The following CNTNAP2 variants were observed in gnomAD, a reference collection of about 807,000 sequenced individuals.
CNTNAP2 encodes contactin associated protein 2, also known as contactin-associated protein-like 2.
Under a neutral mutation model 155.2 loss-of-function variants are expected in CNTNAP2, and 98 were observed. That is an observed-to-expected ratio of 0.63 (90% confidence interval 0.54 to 0.75). The LOEUF is 0.75. Ranked by LOEUF, CNTNAP2 falls within the 30% of genes least tolerant of loss-of-function variation. The pLI, the probability that CNTNAP2 is intolerant of heterozygous loss-of-function variation, is 0.00. For synonymous variants in CNTNAP2, 651 were observed against 631.2 expected, an observed-to-expected ratio of 1.03 and a Z score of -0.47; for missense variants, 1,727 against 1,688.1, an observed-to-expected ratio of 1.02 and a Z score of -0.40.
chr7:147,562,430 C>T (rs1800082103), intron 12 of CNTNAP2, among the ~76,000 whole-genome samples, 173 bp downstream of exon 12: 2 of 152,112 alleles, frequency 1.3e-5, no homozygotes, highest in Non-Finnish European at 2.9e-5. Context: ...AGCAATAAAA[C>T]ATTTTGACAC....
At chr7:146,533,683 C>G (rs997039881) in intron 1 of CNTNAP2, among the ~76,000 whole-genome samples, 17 of 152,050 alleles carry the variant, frequency 1.1e-4, no homozygotes, top group African/African-American at 3.9e-4. Flanking sequence ...TTTTCAGAGT[C>G]CTCTCAGTCC....
chr7:147,233,041 A>G (rs928613458), intron 8 of CNTNAP2, among the ~76,000 whole-genome samples: 1 of 152,218 alleles, frequency 6.6e-6, no homozygotes, highest in Admixed American at 6.5e-5. Flanking sequence ...TTTCAGATTG[A>G]TTCTACCTAA....
At chr7:147,054,857 T>A (rs903703892) in intron 4 of CNTNAP2, among the ~76,000 whole-genome samples, 2 of 152,200 alleles carry the variant, frequency 1.3e-5, no homozygotes, top group African/African-American at 4.8e-5. Flanking sequence ...ATAGTTAGAC[T>A]TGAAAAGAAG....
intron 13 of CNTNAP2, among the ~76,000 whole-genome samples, chr7:147,653,079 AC>A (rs1321229383): frequency 2.0e-5 from 3 of 152,222 alleles, no homozygotes; most frequent in African/African-American, 4.8e-5. Context: ...AACGAAAAAA[AC>A]ATGCCTCTCT....
intron 1 of CNTNAP2, among the ~76,000 whole-genome samples, chr7:146,506,931 T>A (rs1797393276): frequency 6.6e-6 from 1 of 152,160 alleles, no homozygotes; most frequent in Non-Finnish European, 1.5e-5. Flanking sequence ...GAAATGGTAA[T>A]GGCTCAGTGT....
intron 1 of CNTNAP2, among the ~76,000 whole-genome samples, chr7:146,411,931 G>A (rs1795872433): frequency 6.6e-6 from 1 of 151,778 alleles, no homozygotes; most frequent in African/African-American, 2.4e-5. Flanking sequence ...CCGCCTCCCT[G>A]GTTCAAGTGA....
intron 3 of CNTNAP2, among the ~76,000 whole-genome samples, chr7:146,955,934 G>A (rs559758494): frequency 5.3e-5 from 8 of 151,880 alleles, no homozygotes; most frequent in African/African-American, 1.4e-4. Flanking sequence ...TTGATAATTC[G>A]CATCTTGTAG....
chr7:147,781,964 A>G (rs938175003), intron 13 of CNTNAP2, among the ~76,000 whole-genome samples: 1 of 151,690 alleles, frequency 6.6e-6, no homozygotes, highest in East Asian at 2.0e-4. Flanking sequence ...CGAAGCTTGC[A>G]GTGAGCGGAG....
intron 3 of CNTNAP2, among the ~76,000 whole-genome samples, chr7:146,914,000 C>T (rs1165320778): frequency 2.0e-5 from 3 of 151,974 alleles, no homozygotes; most frequent in African/African-American, 2.4e-5. Flanking sequence ...TGAGAACATA[C>T]GATATTTGAT....
intron 17 of CNTNAP2, among the ~76,000 whole-genome samples, chr7:148,169,232 A>C (rs1239873203): frequency 1.3e-5 from 2 of 152,198 alleles, no homozygotes; most frequent in Non-Finnish European, 2.9e-5. Flanking sequence ...GAGGTGATGC[A>C]GATTTAAACA....
chr7:147,553,196 C>T (rs1203064261), intron 11 of CNTNAP2, among the ~76,000 whole-genome samples: 3 of 152,082 alleles, frequency 2.0e-5, no homozygotes, highest in Admixed American at 6.5e-5. Flanking sequence ...GACAGGGAAA[C>T]GGGACTAGCA....
At chr7:146,131,818 G>A (rs1797718557) in intron 1 of CNTNAP2, among the ~76,000 whole-genome samples, 1 of 152,086 alleles carries the variant, frequency 6.6e-6, no homozygotes, top group Non-Finnish European at 1.5e-5. Context: ...AGGGAGGGAG[G>A]TAATTGGATT....
intron 3 of CNTNAP2, among the ~76,000 whole-genome samples, chr7:147,027,004 G>GA (rs57810224): frequency 0.016 from 1,107 of 67,286 alleles, 8 homozygotes; most frequent in Middle Eastern, 0.041. Flanking sequence ...AAACAGAACA[G>GA]AAAAAAAAAA....
chr7:146,668,533 C>T (rs1337398065), intron 1 of CNTNAP2, among the ~76,000 whole-genome samples: 1 of 151,494 alleles, frequency 6.6e-6, no homozygotes. Flanking sequence ...TGGAAGAATT[C>T]CCTCGGCTTC....
chr7:146,229,229 A>C (rs543010548), intron 1 of CNTNAP2, among the ~76,000 whole-genome samples: 1 of 152,326 alleles, frequency 6.6e-6, no homozygotes, highest in African/African-American at 2.4e-5. Context: ...AAGCAGAAAT[A>C]TCATTATAAA....
At chr7:147,978,209 C>A in intron 15 of CNTNAP2, 3 of 573,446 alleles carry the variant, frequency 5.2e-6, no homozygotes, top group Non-Finnish European at 9.3e-6. Flanking sequence ...CATCTTTCCT[C>A]TATATTCATA....
chr7:148,244,572 T>C (rs1303864143), intron 20 of CNTNAP2, among the ~76,000 whole-genome samples: 1 of 151,692 alleles, frequency 6.6e-6, no homozygotes, highest in African/African-American at 2.4e-5. Flanking sequence ...TTGGGTTTTT[T>C]TTTTTTTCAA....
intron 1 of CNTNAP2, among the ~76,000 whole-genome samples, chr7:146,568,216 G>A (rs1798387767): frequency 6.6e-6 from 1 of 152,128 alleles, no homozygotes; most frequent in South Asian, 2.1e-4. Context: ...ATGAAAGGCT[G>A]AAACCACACT....
intron 13 of CNTNAP2, among the ~76,000 whole-genome samples, chr7:147,660,664 C>G (rs571699556): frequency 6.6e-6 from 1 of 152,270 alleles, no homozygotes; most frequent in East Asian, 1.9e-4. Context: ...ATCATCTGCT[C>G]TCTTTAAGGC....
Sources: allele counts gnomAD v4.1 joint callset (sites outside exome capture counted in the v4.1 genomes callset), GRCh38; gene constraint gnomAD v4.1.1; transcripts MANE v1.5; gene names NCBI Gene and HGNC (gene_info 2026-07-23, HGNC 2026-07-21).